The following ABCA8 variants were observed in gnomAD, a reference collection of about 807,000 sequenced individuals.
The protein encoded by ABCA8 is ATP binding cassette subfamily A member 8.
A neutral mutation model predicts 192.3 loss-of-function variants in ABCA8; 177 were observed. The observed-to-expected ratio is 0.92, with a 90% CI of 0.81 to 1.04. ABCA8 has a LOEUF of 1.04. Among genes scored for constraint, ABCA8 ranks in the 50% least tolerant of loss-of-function variants. ABCA8 has a pLI of 0.00. For synonymous variants in ABCA8, 642 were observed against 690.2 expected, an observed-to-expected ratio of 0.93 and a Z score of 1.09; for missense variants, 1,915 against 1,904.8, an observed-to-expected ratio of 1.01 and a Z score of -0.10.
chr17:68,871,485 T>C (rs938242149), intron 37 of ABCA8, among the ~76,000 whole-genome samples: 3 of 152,224 alleles, frequency 2.0e-5, no homozygotes, highest in East Asian at 3.8e-4. Context: ...TTGATTTGCA[T>C]TTCCCTGATG....
chr17:68,936,858 T>C (rs2068080718), intron 5 of ABCA8, 93 bp downstream of exon 5: 1 of 1,103,294 alleles, frequency 9.1e-7, no homozygotes, highest in Non-Finnish European at 1.3e-6. Flanking sequence ...CAGATAGTGA[T>C]GCTCTAATTT....
At position 68,953,337 on chromosome 17, in the gene ABCA8, A is replaced by G. The variant is rs144216175; in HGVS notation, c.-167+1882T>C. Among the ~76,000 whole-genome samples, 338 of 152,328 alleles carry G rather than the reference A, an allele frequency of 2.2e-3. 2 individuals are homozygous for G. Among genetic ancestry groups the G allele is most frequent in the African/African-American group, 7.8e-3 (324 of 41,566 alleles). On this transcript the variant is annotated intron_variant, in intron 1 of 39. Transcript: ENST00000586539. The stretch of plus-strand genomic sequence containing the variant: ...CCTCCGTATGCATGCCATGTTGGCC[A>G]TGCAGTTTCTATGAACTCCTCCATA...
chr17:68,910,624 G>A (rs73357329), intron 17 of ABCA8, among the ~76,000 whole-genome samples: 2,970 of 152,196 alleles, frequency 0.02, 77 homozygotes, highest in Admixed American at 0.043. Context: ...GGGAGTGCCT[G>A]TTTCACCCCC....
chr17:68,887,945 T>TATATATATGGATATATATATA (rs1567830879), intron 24 of ABCA8, among the ~76,000 whole-genome samples: 718 of 44,106 alleles, frequency 0.016, 17 homozygotes, highest in African/African-American at 0.068. Context: ...ATATATATAT[T>TATATATATGGATATATATATA]ATATATATGG....
intron 1 of ABCA8, among the ~76,000 whole-genome samples, chr17:68,950,208 A>G (rs984689038): frequency 6.6e-6 from 1 of 152,222 alleles, no homozygotes; most frequent in Non-Finnish European, 1.5e-5. Context: ...AAACAAATGG[A>G]AAAACATTTC....
chr17:68,907,694 T>C (rs750178312), intron 18 of ABCA8, 46 bp downstream of exon 18: 3 of 1,465,200 alleles, frequency 2.0e-6, no homozygotes, highest in African/African-American at 2.8e-5. Context: ...ATGATGATGA[T>C]GACTATTATT....
In ABCA8 at chr17:68,875,269, C is replaced by T. The variant is rs200226002; in HGVS notation, c.4622G>A (p.Arg1541Gln). 58 of 1,613,586 alleles carry T rather than the reference C, an allele frequency of 3.6e-5. No homozygotes were observed. Among genetic ancestry groups the T allele is most frequent in the Non-Finnish European group, 4.5e-5 (53 of 1,180,032 alleles). The change falls in exon 37 of 40, where the codon CGG (arginine) becomes CAG (glutamine). Residue 1541 changes from arginine (R) to glutamine (Q), a missense_variant. Physicochemically the swap from Arg to Gln is conservative, Grantham distance 43. Coordinates refer to ENST00000586539, the MANE Select transcript of ABCA8 (RefSeq NM_001288985.2). ...EILRLFPQAA[R>Q]QERYSSLMVY... ...CAGCAACCATGTTTACCTTTCCTGC[C>T]GAGCAGCCTGGGGGAAAAGCCTCAG...
At chr17:68,941,519 T>C (rs4147959) in intron 3 of ABCA8, among the ~76,000 whole-genome samples, 79,720 of 151,902 alleles carry the variant, frequency 0.52, 21,310 homozygotes, top group Middle Eastern at 0.6. Flanking sequence ...ACTTTTCTAC[T>C]TTTTTGAAGA....
Position 68,901,829 on chromosome 17 carries a change from C to T in ABCA8, c.2764+884G>A, listed in dbSNP as rs1447150801. On this transcript the variant is annotated intron_variant, in intron 21 of 39. Transcript: ENST00000586539. ...ATCTCAAAAAAAAAAAAAAAAACCC[C>T]ACAAAAATTTCTGGTGTGAATATAA... 2.7e-5 allele frequency among the ~76,000 whole-genome samples: 4 copies of T among 150,152 alleles called. No homozygotes were observed. The East Asian group carries it at 7.8e-4, about 29-fold the overall frequency.
chr17:68,894,817 G>A, intron 22 of ABCA8, 63 bp downstream of exon 22: 5 of 1,503,520 alleles, frequency 3.3e-6, no homozygotes, highest in Non-Finnish European at 4.5e-6. Context: ...TTGGAAGCCT[G>A]AGTATATTGA....
At position 68,918,190 on chromosome 17, in the gene ABCA8, A is replaced by C. The variant is rs771435002; in HGVS notation, c.1909-5T>G. The C allele has an allele frequency of 8.1e-6, 13 of 1,613,936 alleles. No individual in the cohort carries two copies. Among genetic ancestry groups the C allele is most frequent in the Non-Finnish European group, 1.1e-5 (13 of 1,180,006 alleles). ...TGGTTCATCCAACAGGAAAATCTATAAACGAGGAAAGTATATAAGGCGGTT... is the reference window on the plus strand; with the variant it reads ...TGGTTCATCCAACAGGAAAATCTATCAACGAGGAAAGTATATAAGGCGGTT... On this transcript the variant is annotated splice_region_variant and splice_polypyrimidine_tract_variant and intron_variant, in intron 15 of 39. Coordinates refer to ENST00000586539, the MANE Select transcript of ABCA8 (RefSeq NM_001288985.2).
At chr17:68,869,235 T>C (rs1220820272) in intron 38 of ABCA8, among the ~76,000 whole-genome samples, 5 of 152,164 alleles carry the variant, frequency 3.3e-5, no homozygotes, top group African/African-American at 7.2e-5. Context: ...GAACCTGTGA[T>C]GACAGATGCA....
intron 11 of ABCA8, among the ~76,000 whole-genome samples, chr17:68,923,873 G>T (rs921238051): frequency 2.0e-5 from 3 of 152,050 alleles, no homozygotes; most frequent in African/African-American, 7.2e-5. Context: ...CTCATATCTA[G>T]AAATAAAAGT....
intron 17 of ABCA8, among the ~76,000 whole-genome samples, chr17:68,910,946 G>A (rs1031801488): frequency 4.6e-5 from 7 of 152,234 alleles, no homozygotes; most frequent in African/African-American, 1.4e-4. Flanking sequence ...TAGCCAGGCA[G>A]TACTTGCCAC....
chr17:68,908,302 A>G (rs2067141616), intron 17 of ABCA8, among the ~76,000 whole-genome samples: 1 of 152,200 alleles, frequency 6.6e-6, no homozygotes, highest in Admixed American at 6.5e-5. Flanking sequence ...GTATCGCTTC[A>G]AAGGAACAAG....
In ABCA8 at chr17:68,894,213, G is replaced by A. The variant is rs1386328078; in HGVS notation, c.2996C>T (p.Pro999Leu). The A allele has an allele frequency of 6.2e-7, 1 of 1,613,102 alleles. No individual in the cohort carries two copies. Among genetic ancestry groups the A allele is most frequent in the African/African-American group, 1.3e-5 (1 of 74,838 alleles). ...VSNGLLGMVKPSVHIRTERST... is the reference protein window; with the variant it reads ...VSNGLLGMVKLSVHIRTERST... ...TCTTTCAGTTCGGATATGTACTGAT[G>A]GTTTAACCATTCCAAGTAGCCCATT... Residue 999 changes from proline to leucine, a missense_variant, in exon 23 of 40, where the codon CCA (proline) becomes CTA (leucine). Transcript: ENST00000586539.
At chr17:68,880,517 C>A (rs1480975768) in intron 32 of ABCA8, among the ~76,000 whole-genome samples, 1 of 152,128 alleles carries the variant, frequency 6.6e-6, no homozygotes, top group Non-Finnish European at 1.5e-5. Context: ...CTTCGGGGAT[C>A]CCAGACTTAG....
chr17:68,910,296 A>G (rs1026012560), intron 17 of ABCA8, among the ~76,000 whole-genome samples: 7 of 152,174 alleles, frequency 4.6e-5, no homozygotes, highest in African/African-American at 7.2e-5. Context: ...TGTGGCACAG[A>G]GAGAGAATGT....
intron 17 of ABCA8, among the ~76,000 whole-genome samples, chr17:68,915,223 G>C (rs946999192): frequency 1.3e-5 from 2 of 152,046 alleles, no homozygotes; most frequent in East Asian, 3.9e-4. Context: ...GTATTGGTCT[G>C]GGTAAAGATT....
Sources: allele counts gnomAD v4.1 joint callset (sites outside exome capture counted in the v4.1 genomes callset), GRCh38; gene constraint gnomAD v4.1.1; transcripts MANE v1.5; gene names NCBI Gene and HGNC (gene_info 2026-07-23, HGNC 2026-07-21).